IL23R: variants seen among roughly 807,000 people sequenced by gnomAD.
IL23R encodes interleukin-23 receptor.
IL23R carries 34 observed loss-of-function variants against 56.9 expected under a neutral mutation model. The ratio of observed to expected loss-of-function variants is 0.60; its 90% CI spans 0.45 to 0.80. The LOEUF (loss-of-function observed/expected upper bound fraction) is 0.80. Among genes scored for constraint, IL23R ranks in the 30% least tolerant of loss-of-function variants. The pLI, the probability that IL23R is intolerant of heterozygous loss-of-function variation, is 0.00. For missense variants in IL23R, 635 were observed against 730.0 expected (o/e 0.87, Z 1.50); for synonymous variants, 230 against 249.2 (o/e 0.92, Z 0.73).
At chr1:67,220,244 C>T (rs1650152889) in intron 7 of IL23R, among the ~76,000 whole-genome samples, 1 of 151,986 alleles carries the variant, frequency 6.6e-6, no homozygotes, top group Non-Finnish European at 1.5e-5. Context: ...TGGCAGGTGC[C>T]TGTAATCTCA....
intron 9 of IL23R, among the ~76,000 whole-genome samples, chr1:67,241,860 C>T (rs1237249026): frequency 6.6e-6 from 1 of 152,142 alleles, no homozygotes; most frequent in African/African-American, 2.4e-5. Flanking sequence ...AAAGAATGAG[C>T]TACATGAAGA....
chr1:67,182,211 C>T (rs1426299250), intron 3 of IL23R, among the ~76,000 whole-genome samples: 1 of 152,218 alleles, frequency 6.6e-6, no homozygotes, highest in African/African-American at 2.4e-5. Flanking sequence ...TTTTGTTTAG[C>T]TATGCCCTGC....
At chr1:67,210,999 A>G (rs981783118) in intron 6 of IL23R, among the ~76,000 whole-genome samples, 6 of 152,336 alleles carry the variant, frequency 3.9e-5, no homozygotes, top group African/African-American at 1.4e-4. Context: ...GGGCAAAACT[A>G]TACTAATTTT....
intron 6 of IL23R, among the ~76,000 whole-genome samples, chr1:67,210,926 A>T (rs568729726): frequency 6.6e-6 from 1 of 152,314 alleles, no homozygotes; most frequent in Non-Finnish European, 1.5e-5. Flanking sequence ...TTGCTGTTTA[A>T]GACTGATTCT....
At chr1:67,212,624 C>T (rs376973519) in intron 6 of IL23R, among the ~76,000 whole-genome samples, 8 of 151,432 alleles carry the variant, frequency 5.3e-5, no homozygotes, top group African/African-American at 1.5e-4. Context: ...CAGCTCACTG[C>T]AGCCTTGACC....
intron 4 of IL23R, among the ~76,000 whole-genome samples, chr1:67,186,485 T>C (rs1647342428): frequency 6.6e-6 from 1 of 152,196 alleles, no homozygotes; most frequent in Non-Finnish European, 1.5e-5. Context: ...AGCAGTCACT[T>C]CCTATTTCCC....
At chr1:67,212,601 A>C (rs1217925809) in intron 6 of IL23R, among the ~76,000 whole-genome samples, 1 of 150,074 alleles carries the variant, frequency 6.7e-6, no homozygotes, top group East Asian at 1.9e-4. Context: ...GCTGGAGCGC[A>C]GTGGCGCAAT....
At chr1:67,161,866 T>C (rs1158597238), upstream of IL23R, among the ~76,000 whole-genome samples, 2 of 152,010 alleles carry the variant, frequency 1.3e-5, no homozygotes, top group Non-Finnish European at 1.5e-5. Context: ...GACCTTGCGA[T>C]CCACCTGCCT....
chr1:67,206,055 C>A (rs1485518382), intron 5 of IL23R, among the ~76,000 whole-genome samples: 1 of 151,716 alleles, frequency 6.6e-6, no homozygotes, highest in Admixed American at 6.6e-5. Context: ...CTCCGCCACC[C>A]AGGCTGGAGT....
chr1:67,221,308 G>A (rs1650235712), intron 7 of IL23R, among the ~76,000 whole-genome samples: 1 of 152,264 alleles, frequency 6.6e-6, no homozygotes, highest in Non-Finnish European at 1.5e-5. Flanking sequence ...GTGACAGAGT[G>A]AGACTCCATC....
At chr1:67,144,099 G>A (rs1646660273) in intron 1 of IL23R, among the ~76,000 whole-genome samples, 1 of 152,160 alleles carries the variant, frequency 6.6e-6, no homozygotes, top group South Asian at 2.1e-4. Flanking sequence ...TTCCCCAAAT[G>A]TGCCCTTTTC....
At chr1:67,220,001 T>C (rs1400221114) in intron 7 of IL23R, among the ~76,000 whole-genome samples, 1 of 151,864 alleles carries the variant, frequency 6.6e-6, no homozygotes, top group Non-Finnish European at 1.5e-5. Flanking sequence ...AGCCCGGGAG[T>C]TTGATGCTGC....
intron 8 of IL23R, among the ~76,000 whole-genome samples, chr1:67,238,309 C>T (rs1026666409): frequency 6.1e-5 from 9 of 148,208 alleles, no homozygotes; most frequent in East Asian, 2.0e-4. Context: ...ACTGCATTCC[C>T]GCCTGGGCAA....
chr1:67,152,629 C>A (rs569920061), intron 1 of IL23R, among the ~76,000 whole-genome samples: 1 of 152,180 alleles, frequency 6.6e-6, no homozygotes, highest in African/African-American at 2.4e-5. Context: ...TCCATCAATG[C>A]CTAGTTTATT....
intron 5 of IL23R, among the ~76,000 whole-genome samples, chr1:67,205,728 T>C (rs990668120): frequency 6.6e-6 from 1 of 152,196 alleles, no homozygotes; most frequent in African/African-American, 2.4e-5. Context: ...GAGATCTGCT[T>C]TCTTCAAATA....
intron 3 of IL23R, among the ~76,000 whole-genome samples, chr1:67,180,668 T>A (rs7534570): frequency 0.88 from 134,251 of 152,094 alleles, 59,309 homozygotes; most frequent in East Asian, 1. Context: ...CATTATGATG[T>A]TAGCTGGTTA....
At chr1:67,179,815 T>G (rs879034933) in intron 3 of IL23R, among the ~76,000 whole-genome samples, 2 of 152,214 alleles carry the variant, frequency 1.3e-5, no homozygotes, top group African/African-American at 2.4e-5. Flanking sequence ...TCGGGTATGT[T>G]GTGTCTTTGT....
intron 6 of IL23R, among the ~76,000 whole-genome samples, chr1:67,212,139 T>A (rs1323309287): frequency 6.6e-6 from 1 of 152,204 alleles, no homozygotes; most frequent in African/African-American, 2.4e-5. Flanking sequence ...TTCAGAAAGT[T>A]TTTTTAAACT....
chr1:67,260,520 A>G (rs1170864969), downstream of IL23R, among the ~76,000 whole-genome samples: 1 of 152,104 alleles, frequency 6.6e-6, no homozygotes, highest in Non-Finnish European at 1.5e-5. Flanking sequence ...TGAGCTGTAC[A>G]AGTGCCCTCA....
Sources: allele counts gnomAD v4.1 joint callset (sites outside exome capture counted in the v4.1 genomes callset), GRCh38; gene constraint gnomAD v4.1.1; transcripts MANE v1.5; gene names NCBI Gene and HGNC (gene_info 2026-07-23, HGNC 2026-07-21).